Variants in IL2RA observed in about 807,000 individuals in gnomAD.
IL2RA encodes the protein interleukin-2 receptor subunit alpha.
A neutral mutation model predicts 37.8 loss-of-function variants in IL2RA; 24 were observed. The observed-to-expected ratio is 0.63, with a 90% CI of 0.46 to 0.89. IL2RA has a LOEUF of 0.89. Ranked by LOEUF, IL2RA falls within the 40% of genes least tolerant of loss-of-function variation. IL2RA has a pLI of 0.00. For missense variants in IL2RA, 319 were observed against 348.6 expected (o/e 0.92, Z 0.68); for synonymous variants, 125 against 114.6 (o/e 1.09, Z -0.58).
rs1166629366 is a variant in IL2RA at position 6,048,640 on chromosome 10, C to T, written c.64+13448G>A. Among the ~76,000 whole-genome samples the T allele has an allele frequency of 2.0e-5, 3 of 152,258 alleles. No homozygotes were observed. The highest frequency in any genetic ancestry group is 7.2e-5 in the African/African-American group (3 of 41,464). On this transcript the variant is annotated intron_variant, in intron 1 of 7. Coordinates refer to ENST00000379959, the MANE Select transcript of IL2RA (RefSeq NM_000417.3). The surrounding 1 kb of genome is among the most constrained non-coding windows in gnomAD (Gnocchi z 5.3). ...CCCACCGAGGTTAAAACCCTACCCT[C>T]ATGGACTTCCATGGAGGTTACTCAA...
In IL2RA at chr10:6,046,251, AAC is replaced by A. The variant is rs1430808364; in HGVS notation, c.64+15835_64+15836del. On this transcript the variant is annotated intron_variant, in intron 1 of 7. Transcript: ENST00000379959. This position sits in a 1 kb window ranked among gnomAD's most constrained non-coding sequence, Gnocchi z 4.8. ...CAGACAATGACAATCCAAATGTGGA[AAC>A]ACAGGGAGAAAACCATGGGAAGTGG... Among the ~76,000 whole-genome samples, 1 of 152,228 alleles carries A rather than the reference AAC, an allele frequency of 6.6e-6. No homozygotes were observed. The highest frequency in any genetic ancestry group is 1.5e-5 in the Non-Finnish European group (1 of 68,042).
chr10:6,033,318 A>C lies in IL2RA; in HGVS notation c.65-7293T>G, dbSNP rs978618889. Among the ~76,000 whole-genome samples, 11 of 141,382 alleles carry C rather than the reference A, an allele frequency of 7.8e-5. No homozygotes were observed. The highest frequency in any genetic ancestry group is 1.1e-4 in the Non-Finnish European group (7 of 65,030). 92.8% of individuals were successfully genotyped at this position (141,382 alleles called of 152,430 possible). A position where few individuals can be genotyped will look rare whatever the true frequency, so the allele number is the denominator to read the frequency against. On this transcript the variant is annotated intron_variant, in intron 1 of 7. Transcript: ENST00000379959. The surrounding 1 kb of genome is among the most constrained non-coding windows in gnomAD (Gnocchi z 4.3). ...AAACAAACAAAGAAACAAACAAACAACAACAAAAAAAAAACAAAAAAAGAA... is the reference window on the plus strand; with the variant it reads ...AAACAAACAAAGAAACAAACAAACACCAACAAAAAAAAAACAAAAAAAGAA...
chr10:6,015,071 T>C lies in IL2RA; in HGVS notation c.795-2175A>G, dbSNP rs887497167. 1.3e-5 allele frequency among the ~76,000 whole-genome samples: 2 copies of C among 151,642 alleles called. No homozygotes were observed. The highest frequency in any genetic ancestry group is 4.8e-5 in the African/African-American group (2 of 41,258). ...GGGAGTTTCTAGAGTTTACTTTTTCTTTTTCTTTCTTTTCTTTTTTCTTTC... is the reference window on the plus strand; with the variant it reads ...GGGAGTTTCTAGAGTTTACTTTTTCCTTTTCTTTCTTTTCTTTTTTCTTTC... On this transcript the variant is annotated intron_variant, in intron 7 of 7. Coordinates refer to ENST00000379959, the MANE Select transcript of IL2RA (RefSeq NM_000417.3). The surrounding 1 kb of genome is among the most constrained non-coding windows in gnomAD (Gnocchi z 4.9).
chr10:6,059,567 C>G (rs937590188), intron 1 of IL2RA, among the ~76,000 whole-genome samples: 2 of 152,192 alleles, frequency 1.3e-5, no homozygotes, highest in African/African-American at 2.4e-5. Flanking sequence ...CAGGGCCCAG[C>G]AATATACAGA....
chr10:6,051,992 C>G (rs771672485), intron 1 of IL2RA, among the ~76,000 whole-genome samples: 30 of 150,910 alleles, frequency 2.0e-4, no homozygotes, highest in Admixed American at 9.9e-4. Flanking sequence ...GGCAGTTGGT[C>G]AGAGCTGTCC....
intron 1 of IL2RA, among the ~76,000 whole-genome samples, chr10:6,060,643 G>A (rs901436691): frequency 7.2e-5 from 11 of 152,098 alleles, no homozygotes; most frequent in African/African-American, 2.4e-4. Context: ...TGTAAACCTA[G>A]CTACTCAGGA....
rs1840020230 is a variant in IL2RA at position 6,054,898 on chromosome 10, T to C, written c.64+7190A>G. ...TTTTTTAAGAGGCAGAGTCTCACTA[T>C]GTTGCCCAGGCTGGTTTTGAACTCC... On this transcript the variant is annotated intron_variant, in intron 1 of 7. Coordinates refer to ENST00000379959, the MANE Select transcript of IL2RA (RefSeq NM_000417.3). The surrounding 1 kb of genome is among the most constrained non-coding windows in gnomAD (Gnocchi z 4.5). Among the ~76,000 whole-genome samples, 2 of 152,222 alleles carry C rather than the reference T, an allele frequency of 1.3e-5. No homozygotes were observed. Among genetic ancestry groups the C allele is most frequent in the African/African-American group, 4.8e-5 (2 of 41,456 alleles).
chr10:6,039,018 C>G (rs778869930), intron 1 of IL2RA, among the ~76,000 whole-genome samples: 1 of 152,024 alleles, frequency 6.6e-6, no homozygotes, highest in Non-Finnish European at 1.5e-5. Context: ...ATAGATTAAC[C>G]CTGCAGTTAC....
rs961439007 is a variant in IL2RA at position 6,061,665 on chromosome 10, T to A, written c.64+423A>T. On this transcript the variant is annotated intron_variant, in intron 1 of 7. Coordinates refer to ENST00000379959, the MANE Select transcript of IL2RA (RefSeq NM_000417.3). ...CCAGTGTTTGATATATGAGTACTCA[T>A]GTCTCCAGCAAATTAACCTGAACTT... Among the ~76,000 whole-genome samples the A allele has an allele frequency of 3.9e-5, 6 of 152,354 alleles. No homozygotes were observed. The East Asian group carries it at 1.2e-3, about 29-fold the overall frequency.
rs552070906 is a variant in IL2RA at position 6,027,091 on chromosome 10, G to A, written c.65-1066C>T. Among the ~76,000 whole-genome samples the A allele has an allele frequency of 1.4e-4, 21 of 152,332 alleles. No homozygotes were observed. In the South Asian group the frequency reaches 4.3e-3, roughly 32 times the overall value. ...AATTCCAGCACTTTGGGAGGCCAAGGCGGGTAGATCACATGAGGTCAGCAG... is the reference window on the plus strand; with the variant it reads ...AATTCCAGCACTTTGGGAGGCCAAGACGGGTAGATCACATGAGGTCAGCAG... On this transcript the variant is annotated intron_variant, in intron 1 of 7. Transcript: ENST00000379959.
intron 1 of IL2RA, among the ~76,000 whole-genome samples, chr10:6,060,948 A>G (rs967127554): frequency 8.5e-5 from 13 of 152,162 alleles, no homozygotes; most frequent in African/African-American, 3.1e-4. Flanking sequence ...TTAGCATTCT[A>G]CTTGTTGCCA....
chr10:6,062,113 G>T lies in IL2RA; in HGVS notation c.39C>A (p.Phe13Leu). 6.2e-7 allele frequency: 1 copy of T among 1,614,082 alleles called. No individual in the cohort carries two copies. The highest frequency in any genetic ancestry group is 1.1e-5 in the South Asian group (1 of 91,042). ...SYLLMWGLLT[F>L]IMVPGCQAEL... Reference sequence around the variant, plus strand: ...CTGCCTGGCAGCCAGGCACCATGATGAACGTGAGCAGTCCCCACATCAGCA... The same window carrying T: ...CTGCCTGGCAGCCAGGCACCATGATTAACGTGAGCAGTCCCCACATCAGCA... The change falls in exon 1 of 8, where the codon TTC (phenylalanine) becomes TTA (leucine). Residue 13 changes from phenylalanine (F) to leucine (L), a missense_variant. Coordinates refer to ENST00000379959, the MANE Select transcript of IL2RA (RefSeq NM_000417.3).
At chr10:6,053,829 T>C (rs1461942422) in intron 1 of IL2RA, among the ~76,000 whole-genome samples, 2 of 152,208 alleles carry the variant, frequency 1.3e-5, no homozygotes, top group Admixed American at 1.3e-4. Context: ...AACATTGCTC[T>C]TTCTTCTTCT....
chr10:6,042,766 C>G (rs1839791900), intron 1 of IL2RA, among the ~76,000 whole-genome samples: 2 of 152,022 alleles, frequency 1.3e-5, no homozygotes, highest in African/African-American at 2.4e-5. Context: ...TGGAAGCATT[C>G]TCAATATCAC....
chr10:6,049,526 A>G (rs1839914515), intron 1 of IL2RA, among the ~76,000 whole-genome samples: 1 of 152,172 alleles, frequency 6.6e-6, no homozygotes, highest in African/African-American at 2.4e-5. Flanking sequence ...TGCTCATGCC[A>G]CACTTCCCTA....
At position 6,029,690 on chromosome 10, in the gene IL2RA, G is replaced by A. The variant is rs1453654762; in HGVS notation, c.65-3665C>T. ...ATGAGTGAAACAACAGGATATCTCA[G>A]TAGATAAATGAAAACTTGTAATTTT... On this transcript the variant is annotated intron_variant, in intron 1 of 7. Coordinates refer to ENST00000379959, the MANE Select transcript of IL2RA (RefSeq NM_000417.3). This position sits in a 1 kb window ranked among gnomAD's most constrained non-coding sequence, Gnocchi z 4.6. Among the ~76,000 whole-genome samples, 1 of 151,962 alleles carries A rather than the reference G, an allele frequency of 6.6e-6. No homozygotes were observed. The highest frequency in any genetic ancestry group is 1.9e-4 in the East Asian group (1 of 5,180).
At chr10:6,040,108 T>C (rs1198692709) in intron 1 of IL2RA, among the ~76,000 whole-genome samples, 1 of 152,234 alleles carries the variant, frequency 6.6e-6, no homozygotes, top group East Asian at 1.9e-4. Flanking sequence ...TGAGGATCAG[T>C]TGAAATAACA....
In IL2RA at chr10:6,048,271, A is replaced by G. The variant is rs1193358286; in HGVS notation, c.64+13817T>C. Among the ~76,000 whole-genome samples, 1 of 152,250 alleles carries G rather than the reference A, an allele frequency of 6.6e-6. No individual in the cohort carries two copies. The highest frequency in any genetic ancestry group is 1.5e-5 in the Non-Finnish European group (1 of 68,046). On this transcript the variant is annotated intron_variant, in intron 1 of 7. Coordinates refer to ENST00000379959, the MANE Select transcript of IL2RA (RefSeq NM_000417.3). The surrounding 1 kb of genome is among the most constrained non-coding windows in gnomAD (Gnocchi z 5.3). The stretch of plus-strand genomic sequence containing the variant: ...AATTGCCAAAAATTGAGGCTGGATT[A>G]TTAGGTGCATGGAGGACAGCAAGGA...
chr10:6,017,903 C>G, intron 7 of IL2RA, 150 bp downstream of exon 7: 1 of 714,616 alleles, frequency 1.4e-6, no homozygotes, highest in Non-Finnish European at 2.6e-6. Context: ...TTAACTGACT[C>G]TTTCCGAGGC....
Sources: gnomAD v4.1 joint callset for allele counts (sites outside exome capture counted in the v4.1 genomes callset) on GRCh38, gnomAD v4.1.1 for gene constraint, Gnocchi (gnomAD v3.1) non-coding constraint, MANE v1.5 for transcripts, NCBI Gene and HGNC (gene_info 2026-07-23, HGNC 2026-07-21) for gene names.